Variants in HNRNPLL observed in about 807,000 individuals in gnomAD.
HNRNPLL encodes the protein heterogeneous nuclear ribonucleoprotein L like.
A neutral mutation model predicts 67.1 loss-of-function variants in HNRNPLL; 25 were observed. The observed-to-expected ratio is 0.37, with a 90% CI of 0.27 to 0.52. The LOEUF (loss-of-function observed/expected upper bound fraction) is 0.52, where lower values mean the gene tolerates loss of function less well. HNRNPLL is among the 20% of genes least tolerant of loss of function. The probability of loss-of-function intolerance (pLI) is 0.90; values close to 1 mark genes in which losing one functional copy is unlikely to be tolerated. For missense variants in HNRNPLL, 542 were observed against 673.9 expected, an observed-to-expected ratio of 0.80 and a Z score of 2.17; for synonymous variants, 267 against 241.7, an observed-to-expected ratio of 1.10 and a Z score of -0.97.
intron 1 of HNRNPLL, among the ~76,000 whole-genome samples, chr2:38,596,998 T>C (rs1172777038): frequency 6.6e-6 from 1 of 152,214 alleles, no homozygotes; most frequent in Non-Finnish European, 1.5e-5. Context: ...TCAAAGGCCA[T>C]TTCAGGGACA....
At chr2:38,584,876 G>C (rs996453158) in intron 3 of HNRNPLL, among the ~76,000 whole-genome samples, 5 of 151,788 alleles carry the variant, frequency 3.3e-5, no homozygotes, top group East Asian at 3.8e-4. Flanking sequence ...ACCTACACTA[G>C]ATTAGTTACA....
chr2:38,566,460 C>T (rs1195658986), intron 12 of HNRNPLL, among the ~76,000 whole-genome samples: 6 of 150,432 alleles, frequency 4.0e-5, no homozygotes, highest in Admixed American at 3.3e-4. Flanking sequence ...TGACTTGACA[C>T]AAATTAAAAC....
intron 1 of HNRNPLL, chr2:38,600,023 C>A (rs892426222): frequency 4.9e-6 from 2 of 408,992 alleles, no homozygotes; most frequent in Non-Finnish European, 1.0e-5. Flanking sequence ...AAGCACAAGA[C>A]AGTAAACTTC....
intron 1 of HNRNPLL, chr2:38,599,851 A>G (rs1022133992): frequency 4.3e-6 from 2 of 469,390 alleles, no homozygotes; most frequent in Non-Finnish European, 4.4e-6. Flanking sequence ...TTTGCACTTT[A>G]CAAACTTCCA....
At chr2:38,595,623 T>C (rs576503425) in intron 1 of HNRNPLL, among the ~76,000 whole-genome samples, 3 of 152,246 alleles carry the variant, frequency 2.0e-5, no homozygotes, top group East Asian at 1.9e-4. Context: ...GGCAGGCGAA[T>C]ACCTGAGGTC....
At chr2:38,593,417 T>C (rs1462799672) in intron 1 of HNRNPLL, among the ~76,000 whole-genome samples, 1 of 152,148 alleles carries the variant, frequency 6.6e-6, no homozygotes, top group African/African-American at 2.4e-5. Context: ...CTCAAAATAA[T>C]TAGAAAATAA....
intron 4 of HNRNPLL, 57 bp downstream of exon 4, chr2:38,583,784 G>GA: frequency 3.7e-6 from 3 of 818,270 alleles, no homozygotes; most frequent in South Asian, 3.5e-5. Flanking sequence ...GCTTAAGCCA[G>GA]AAAAAATAAG....
chr2:38,598,659 G>A (rs535670149), intron 1 of HNRNPLL, among the ~76,000 whole-genome samples: 1 of 152,344 alleles, frequency 6.6e-6, no homozygotes, highest in South Asian at 2.1e-4. Context: ...AATGAGGCTA[G>A]AGATCACTGA....
At position 38,577,497 on chromosome 2, in the gene HNRNPLL, C is replaced by T; in HGVS notation, c.838G>A (p.Gly280Arg). 2 of 1,610,728 alleles carry T rather than the reference C, an allele frequency of 1.2e-6. No individual in the cohort carries two copies. The highest frequency in any genetic ancestry group is 1.7e-6 in the Non-Finnish European group (2 of 1,177,190). Residue 280 changes from glycine to arginine, a missense_variant, in exon 7 of 13, where the codon GGA becomes AGA. Gly to Arg is a moderately radical substitution (Grantham distance 125). Coordinates refer to ENST00000449105, the MANE Select transcript of HNRNPLL (RefSeq NM_138394.4). Reference protein sequence around the residue: ...GKGRQRQAILGEHPSSFRHDG... With the variant: ...GKGRQRQAILREHPSSFRHDG... ...TGTCTAAACGAAGAAGGGTGTTCTC[C>T]CAAAATGGCTTGTCTCTGGCGACCC...
intron 12 of HNRNPLL, among the ~76,000 whole-genome samples, chr2:38,564,448 C>T (rs1205816753): frequency 1.3e-5 from 2 of 151,412 alleles, no homozygotes; most frequent in Admixed American, 6.6e-5. Context: ...AGTGAAACCC[C>T]GCCTCTACTA....
In HNRNPLL at chr2:38,602,605, G is replaced by A. The variant is rs752493519; in HGVS notation, c.22C>T (p.Pro8Ser). ...CGGTCCTCCTCGTACGTCTCCCTGG[G>A]GGAGGAAGAGGAGGAGGACATGGCG... The part of the protein sequence containing the change: MSSSSSS[P>S]RETYEEDREY... The change falls in exon 1 of 13, where the codon CCC (proline) becomes TCC (serine). Residue 8 changes from proline to serine, a missense_variant. Around this residue, in one of 2 missense-constraint regions of HNRNPLL, gnomAD observed 127 missense variants for 98.7 expected, o/e 1.29. Transcript: ENST00000449105. 1.9e-6 allele frequency: 3 copies of A among 1,562,794 alleles called. No homozygotes were observed. The highest frequency in any genetic ancestry group is 1.4e-5 in the African/African-American group (1 of 72,338).
chr2:38,592,387 G>T (rs186057165), intron 1 of HNRNPLL, among the ~76,000 whole-genome samples: 18 of 151,340 alleles, frequency 1.2e-4, no homozygotes, highest in African/African-American at 4.4e-4. Context: ...TAACGTAGTA[G>T]ATTTGTATCA....
At chr2:38,567,940 C>A in intron 12 of HNRNPLL, 1 of 311,280 alleles carries the variant, frequency 3.2e-6, no homozygotes. Context: ...GCCCGAATTG[C>A]CCAGCTGAAA....
At chr2:38,579,018 A>G (rs1208656333) in intron 6 of HNRNPLL, among the ~76,000 whole-genome samples, 1 of 152,072 alleles carries the variant, frequency 6.6e-6, no homozygotes, top group Non-Finnish European at 1.5e-5. Flanking sequence ...CATTCTGTTA[A>G]TGTTCCTCTG....
Position 38,602,751 on chromosome 2 carries a change from C to T in HNRNPLL, c.-125G>A. On this transcript the variant is annotated 5_prime_UTR_variant, in exon 1 of 13. Transcript: ENST00000449105. ...TCTGCGAGGGTCTCCGCGGCCCGGC[C>T]GTCCGCGGGGACTGCGCGGCCAGGA... 6.6e-7 allele frequency: 1 copy of T among 1,508,296 alleles called. No individual in the cohort carries two copies. The highest frequency in any genetic ancestry group is 2.8e-5 in the East Asian group (1 of 35,484). 93.4% of individuals were successfully genotyped at this position (1,508,296 alleles called of 1,614,324 possible). A position where few individuals can be genotyped will look rare whatever the true frequency, so the allele number is the denominator to read the frequency against.
intron 6 of HNRNPLL, 111 bp downstream of exon 6, chr2:38,581,802 C>G: frequency 1.3e-6 from 1 of 741,874 alleles, no homozygotes; most frequent in Non-Finnish European, 2.3e-6. Flanking sequence ...AAGCATTCAT[C>G]AACAAGGTTT....
chr2:38,574,963 C>A (rs559337787), intron 7 of HNRNPLL, among the ~76,000 whole-genome samples: 1 of 151,888 alleles, frequency 6.6e-6, no homozygotes, highest in East Asian at 1.9e-4. Flanking sequence ...GCCTCCCCGC[C>A]ACCTACCATT....
chr2:38,594,575 T>G (rs1667099295), intron 1 of HNRNPLL, among the ~76,000 whole-genome samples: 1 of 152,162 alleles, frequency 6.6e-6, no homozygotes, highest in Admixed American at 6.5e-5. Context: ...ATACGTTAAG[T>G]TGAACATTTT....
intron 12 of HNRNPLL, chr2:38,566,347 G>C (rs1665858986): frequency 7.9e-6 from 1 of 125,980 alleles, no homozygotes; most frequent in African/African-American, 3.2e-5. Context: ...CAGTCTGGGG[G>C]ACAGAGCAAG....
Sources: allele counts gnomAD v4.1 joint callset (sites outside exome capture counted in the v4.1 genomes callset), GRCh38; gene constraint gnomAD v4.1.1; regional missense constraint gnomAD v4.1.1; transcripts MANE v1.5; gene names NCBI Gene and HGNC (gene_info 2026-07-23, HGNC 2026-07-21).